TMEM71: variants seen among roughly 807,000 people sequenced by gnomAD.
TMEM71 encodes transmembrane protein 71.
In TMEM71, 44 loss-of-function variants were observed where a neutral mutation model predicts 38.0. The ratio of observed to expected loss-of-function variants is 1.16; its 90% CI spans 0.91 to 1.49. TMEM71 has a LOEUF of 1.49. TMEM71 is among the 40% of genes most tolerant of loss of function. The pLI is 0.00. For synonymous variants in TMEM71, 133 were observed against 122.5 expected, an observed-to-expected ratio of 1.09 and a Z score of -0.56; for missense variants, 367 against 348.6, an observed-to-expected ratio of 1.05 and a Z score of -0.42.
chr8:132,734,082 T>C (rs1827609987), intron 5 of TMEM71, among the ~76,000 whole-genome samples: 1 of 152,122 alleles, frequency 6.6e-6, no homozygotes, highest in Non-Finnish European at 1.5e-5. Flanking sequence ...TATAGAGATC[T>C]GCTCTACAAC....
At chr8:132,774,599 G>A in the TMEM71 span, among the ~76,000 whole-genome samples, 52 of 152,266 alleles carry the variant, frequency 3.4e-4, no homozygotes, top group Middle Eastern at 3.4e-3. Context: ...AAACCAGAGT[G>A]GTACAGTGGA....
chr8:132,740,964 A>G (rs748678745), intron 5 of TMEM71, among the ~76,000 whole-genome samples: 1 of 152,224 alleles, frequency 6.6e-6, no homozygotes, highest in Non-Finnish European at 1.5e-5. Flanking sequence ...ACAACGCCAC[A>G]TTTATGCCTT....
downstream of TMEM71, among the ~76,000 whole-genome samples, chr8:132,707,980 A>T (rs979152236): frequency 1.1e-4 from 16 of 152,174 alleles, no homozygotes; most frequent in Non-Finnish European, 5.9e-5. Flanking sequence ...TGGACTAAAT[A>T]TATATTTACT....
the TMEM71 span, chr8:132,775,226 G>T: frequency 3.2e-6 from 1 of 312,848 alleles, no homozygotes; most frequent in Non-Finnish European, 5.7e-6. Flanking sequence ...CCAGAGCCCC[G>T]CCCGCTAGCG....
rs528580365 is a variant in TMEM71, at chr8:132,752,647, T to C, written c.102-650A>G. Among the ~76,000 whole-genome samples, 10 of 151,922 alleles carry C rather than the reference T, an allele frequency of 6.6e-5. No individual in the cohort carries two copies. In the East Asian group the frequency reaches 1.4e-3, roughly 21 times the overall value. On this transcript the variant is annotated intron_variant, in intron 3 of 9. Transcript: ENST00000677595. ...TACTCAGAAGGCTAAGGCAGGAGGA[T>C]CCCTTTAGCCCAGGAAGTTCGAAGC...
rs140688548 is a variant in TMEM71, at chr8:132,756,221, A to G, written c.101+1013T>C. ...GTACTTCAAGAAAATGGTAGACTGC[A>G]CATGTTTTGGTAGAGCATAAAATTC... On this transcript the variant is annotated intron_variant, in intron 3 of 9. Coordinates refer to ENST00000677595, the MANE Select transcript of TMEM71 (RefSeq NM_001382403.1). Among the ~76,000 whole-genome samples the G allele has an allele frequency of 7.3e-3, 1,107 of 152,022 alleles. 11 individuals are homozygous for G. Among genetic ancestry groups the G allele is most frequent in the African/African-American group, 0.026 (1,062 of 41,432 alleles).
chr8:132,775,548 G>T, the TMEM71 span: 2 of 367,960 alleles, frequency 5.4e-6, no homozygotes, highest in Non-Finnish European at 9.7e-6. Flanking sequence ...GCCGCTGCCT[G>T]GGCGGAGGCA....
intron 5 of TMEM71, among the ~76,000 whole-genome samples, chr8:132,731,893 G>A (rs10956682): frequency 2.6e-5 from 4 of 152,080 alleles, no homozygotes; most frequent in East Asian, 1.9e-4. Flanking sequence ...GGAAAGATAC[G>A]AAACCAGCTG....
chr8:132,749,644 C>A (rs77087117), intron 4 of TMEM71, among the ~76,000 whole-genome samples: 13,903 of 152,248 alleles, frequency 0.091, 758 homozygotes, highest in Middle Eastern at 0.16. Context: ...AAGAAAGAGG[C>A]TGGGTCTCTG....
At chr8:132,737,212 A>G (rs1460661409) in intron 5 of TMEM71, among the ~76,000 whole-genome samples, 1 of 152,212 alleles carries the variant, frequency 6.6e-6, no homozygotes, top group Non-Finnish European at 1.5e-5. Flanking sequence ...ATACTAAAAA[A>G]TCGCTGAATT....
At chr8:132,748,296 A>G (rs1828504456) in intron 4 of TMEM71, among the ~76,000 whole-genome samples, 1 of 152,224 alleles carries the variant, frequency 6.6e-6, no homozygotes, top group South Asian at 2.1e-4. Flanking sequence ...GTTCTCAACC[A>G]GGTTGATTTT....
At chr8:132,723,042 T>C (rs2131039963) in intron 6 of TMEM71, among the ~76,000 whole-genome samples, 1 of 152,352 alleles carries the variant, frequency 6.6e-6, no homozygotes, top group African/African-American at 2.4e-5. Context: ...TGACTTTATG[T>C]TATGAATGCA....
At chr8:132,751,173 A>T (rs1043856523) in intron 4 of TMEM71, among the ~76,000 whole-genome samples, 1 of 152,066 alleles carries the variant, frequency 6.6e-6, no homozygotes, top group Admixed American at 6.6e-5. Context: ...AACCCCTTTC[A>T]TCCAGCCCCT....
intron 5 of TMEM71, among the ~76,000 whole-genome samples, chr8:132,737,798 T>C (rs756297271): frequency 6.6e-6 from 1 of 152,256 alleles, no homozygotes; most frequent in Non-Finnish European, 1.5e-5. Context: ...TCCTTTCTTC[T>C]CATTCACTTG....
chr8:132,761,063 G>A (rs562634468), upstream of TMEM71, among the ~76,000 whole-genome samples: 2 of 152,248 alleles, frequency 1.3e-5, no homozygotes, highest in African/African-American at 2.4e-5. Context: ...ATGAAGGTTG[G>A]ACTTCACAAA....
chr8:132,739,240 T>C (rs1310595596), intron 5 of TMEM71, among the ~76,000 whole-genome samples: 1 of 152,194 alleles, frequency 6.6e-6, no homozygotes, highest in East Asian at 1.9e-4. Context: ...ACAAAGCCCT[T>C]CCGGGCAGCA....
the TMEM71 span, among the ~76,000 whole-genome samples, chr8:132,767,739 T>C: frequency 1.3e-5 from 2 of 152,188 alleles, no homozygotes; most frequent in Non-Finnish European, 2.9e-5. Context: ...CCTCCCAAAG[T>C]GCTGGGATTA....
chr8:132,743,843 C>A (rs1366209231), intron 5 of TMEM71, among the ~76,000 whole-genome samples: 1 of 152,178 alleles, frequency 6.6e-6, no homozygotes, highest in Non-Finnish European at 1.5e-5. Context: ...CCAAGCACGT[C>A]TACTCACTAG....
chr8:132,754,219 CT>C (rs1054587048), intron 3 of TMEM71, among the ~76,000 whole-genome samples: 1 of 151,984 alleles, frequency 6.6e-6, no homozygotes, highest in Non-Finnish European at 1.5e-5. Flanking sequence ...TAGCTTGATT[CT>C]TTTTTTTCCC....
Sources: gnomAD v4.1 joint callset for allele counts (sites outside exome capture counted in the v4.1 genomes callset) on GRCh38, gnomAD v4.1.1 for gene constraint, MANE v1.5 for transcripts, NCBI Gene and HGNC (gene_info 2026-07-23, HGNC 2026-07-21) for gene names.